The following PIK3CA variants were observed in gnomAD, a reference collection of about 807,000 sequenced individuals.
PIK3CA encodes the protein phosphatidylinositol 4,5-bisphosphate 3-kinase catalytic subunit alpha isoform.
Under a neutral mutation model 138.2 loss-of-function variants are expected in PIK3CA, and 27 were observed. The observed-to-expected ratio is 0.20, with a 90% CI of 0.14 to 0.27. The LOEUF is 0.27. Among genes scored for constraint, PIK3CA ranks in the 10% least tolerant of loss-of-function variants. PIK3CA has a pLI of 1.00. For synonymous variants in PIK3CA, 358 were observed against 413.2 expected (o/e 0.87, Z 1.62); for missense variants, 544 against 1,277.4 (o/e 0.43, Z 8.75).
intron 2 of PIK3CA, 119 bp downstream of exon 2, chr3:179,199,296 A>G (rs986073915): frequency 5.0e-5 from 30 of 598,986 alleles, no homozygotes; most frequent in Admixed American, 7.4e-5. Flanking sequence ...TTCTAAATAA[A>G]AATCATAAAT....
intron 1 of PIK3CA, among the ~76,000 whole-genome samples, chr3:179,192,946 T>C (rs961166603): frequency 1.3e-5 from 2 of 152,224 alleles, no homozygotes; most frequent in African/African-American, 4.8e-5. Context: ...GTGTTCAAAA[T>C]AGTGAATTGC....
chr3:179,162,328 C>T (rs928738302), intron 1 of PIK3CA, among the ~76,000 whole-genome samples: 5 of 151,952 alleles, frequency 3.3e-5, no homozygotes, highest in African/African-American at 1.2e-4. Flanking sequence ...TAGATAAACA[C>T]ATTATCTAAA....
chr3:179,232,588 TC>T (rs1487975374), intron 20 of PIK3CA, among the ~76,000 whole-genome samples: 2 of 152,166 alleles, frequency 1.3e-5, no homozygotes, highest in Non-Finnish European at 2.9e-5. Context: ...CTATTCAGAC[TC>T]TTTTTGGTCG....
At chr3:179,159,639 A>G (rs1013801715) in intron 1 of PIK3CA, among the ~76,000 whole-genome samples, 10 of 152,216 alleles carry the variant, frequency 6.6e-5, no homozygotes, top group African/African-American at 2.4e-4. Flanking sequence ...CATGAAATCA[A>G]CTGTACCTAC....
At chr3:179,223,960 C>G (rs1162408329) in intron 14 of PIK3CA, 121 bp from the exon 15 acceptor site, 5 of 507,690 alleles carry the variant, frequency 9.8e-6, no homozygotes, top group Non-Finnish European at 1.4e-5. Flanking sequence ...AAGCAGCAGT[C>G]TAGGATGTAG....
At chr3:179,153,016 CAAAATT>C (rs1723050703) in intron 1 of PIK3CA, among the ~76,000 whole-genome samples, 1 of 151,942 alleles carries the variant, frequency 6.6e-6, no homozygotes, top group Non-Finnish European at 1.5e-5. Flanking sequence ...AAAAAGGAAA[CAAAATT>C]AAGGATGATT....
intron 1 of PIK3CA, among the ~76,000 whole-genome samples, chr3:179,172,202 A>C (rs1257471218): frequency 6.6e-6 from 1 of 152,124 alleles, no homozygotes; most frequent in Non-Finnish European, 1.5e-5. Flanking sequence ...AATTATAATA[A>C]AAACTCTTAG....
chr3:179,172,557 A>G (rs1347018328), intron 1 of PIK3CA, among the ~76,000 whole-genome samples: 6 of 152,310 alleles, frequency 3.9e-5, no homozygotes, highest in Middle Eastern at 3.4e-3. Flanking sequence ...GATAACAAAC[A>G]GGAATTAATT....
chr3:179,201,625 T>TTTTTTTTTG (rs1724412572), intron 4 of PIK3CA, 85 bp downstream of exon 4: 1 of 886,726 alleles, frequency 1.1e-6, no homozygotes, highest in African/African-American at 1.7e-5. Context: ...TTTTTTTTTT[T>TTTTTTTTTG]GAGACGGAAT....
At chr3:179,209,153 T>A (rs1254282932) in intron 6 of PIK3CA, among the ~76,000 whole-genome samples, 1 of 151,772 alleles carries the variant, frequency 6.6e-6, no homozygotes, top group Non-Finnish European at 1.5e-5. Context: ...TGTCTTCTGC[T>A]TTTAACAAAT....
intron 2 of PIK3CA, 149 bp downstream of exon 2, chr3:179,199,326 C>T (rs1724349264): frequency 1.8e-5 from 10 of 547,016 alleles, no homozygotes; most frequent in Non-Finnish European, 2.5e-5. Context: ...GTTTTACTAT[C>T]GAACTATGGA....
In PIK3CA at chr3:179,224,192, T is replaced by C. The variant is rs1265140191; in HGVS notation, c.2294+5T>C. 3 of 1,417,804 alleles carry C rather than the reference T, an allele frequency of 2.1e-6. No individual in the cohort carries two copies. The highest frequency in any genetic ancestry group is 3.0e-6 in the Non-Finnish European group (3 of 1,016,356). 87.8% of individuals were successfully genotyped at this position (1,417,804 alleles called of 1,614,324 possible). A position where few individuals can be genotyped will look rare whatever the true frequency, so the allele number is the denominator to read the frequency against. On this transcript the variant is annotated splice_donor_5th_base_variant and intron_variant, in intron 15 of 20. Coordinates refer to ENST00000263967, the MANE Select transcript of PIK3CA (RefSeq NM_006218.4). ...TCATCAACTAGGAAACCTCAGGTAC[T>C]TTCTTGGGGGTTTCATTGATATATT...
rs374046536 is a variant in PIK3CA at position 179,187,187 on chromosome 3, G to GT, written c.-76-11562dup. Among the ~76,000 whole-genome samples, 552 of 152,182 alleles carry GT rather than the reference G, an allele frequency of 3.6e-3. 3 individuals carry two copies. Among genetic ancestry groups the GT allele is most frequent in the Non-Finnish European group, 6.1e-3 (414 of 67,998 alleles). ...ATCTCTTTACAACAAGCCTGAAACAGTAAGTTCTGTTTCCCTTTCTGGACA... is the reference window on the plus strand; with the variant it reads ...ATCTCTTTACAACAAGCCTGAAACAGTTAAGTTCTGTTTCCCTTTCTGGACA... On this transcript the variant is annotated intron_variant, in intron 1 of 20. Transcript: ENST00000263967.
intron 1 of PIK3CA, among the ~76,000 whole-genome samples, chr3:179,161,001 G>A (rs549094505): frequency 1.1e-4 from 16 of 152,144 alleles, no homozygotes; most frequent in Non-Finnish European, 1.6e-4. Context: ...ATAAGCAAAC[G>A]TGCTGTTTCA....
intron 9 of PIK3CA, among the ~76,000 whole-genome samples, chr3:179,213,267 T>C (rs561291524): frequency 3.9e-5 from 6 of 152,324 alleles, no homozygotes; most frequent in African/African-American, 1.4e-4. Context: ...GAGTCACAAA[T>C]GTTTTGGTTT....
At chr3:179,155,664 C>T (rs893078659) in intron 1 of PIK3CA, among the ~76,000 whole-genome samples, 1 of 151,882 alleles carries the variant, frequency 6.6e-6, no homozygotes, top group Non-Finnish European at 1.5e-5. Flanking sequence ...CATCTGCTAC[C>T]CCATTTTATA....
rs2108393401 is a variant in PIK3CA, at chr3:179,203,795, G to A, written c.1059+6G>A. 6.3e-7 allele frequency: 1 copy of A among 1,587,208 alleles called. No individual in the cohort carries two copies. The highest frequency in any genetic ancestry group is 1.1e-5 in the South Asian group (1 of 88,434). On this transcript the variant is annotated splice_donor_region_variant and intron_variant, in intron 5 of 20. Transcript: ENST00000263967. ...ATATTCGAGACATTGATAAGGTAAA[G>A]TCAAATGCTGATGCTTATTATTTTA...
chr3:179,160,745 AGT>A (rs1190977605), intron 1 of PIK3CA, among the ~76,000 whole-genome samples: 2 of 152,236 alleles, frequency 1.3e-5, no homozygotes, highest in African/African-American at 4.8e-5. Flanking sequence ...AATTTTGTAC[AGT>A]GTGGTATACA....
Position 179,210,211 on chromosome 3 carries a change from A to G in PIK3CA, c.1277A>G (p.Asn426Ser), listed in dbSNP as rs2108400217. 1 of 1,590,614 alleles carries G rather than the reference A, an allele frequency of 6.3e-7. No individual in the cohort carries two copies. The highest frequency in any genetic ancestry group is 8.5e-7 in the Non-Finnish European group (1 of 1,174,060). ...KEEHCPLAWG[N>S]INLFDYTDTL... ...GAACACTGTCCATTGGCATGGGGAAATATAAACTTGTTTGATTACACAGAC... is the reference window on the plus strand; with the variant it reads ...GAACACTGTCCATTGGCATGGGGAAGTATAAACTTGTTTGATTACACAGAC... The change falls in exon 8 of 21, where the codon AAT (asparagine) becomes AGT (serine). Residue 426 changes from asparagine to serine, a missense_variant. By Grantham distance (46) the Asn-to-Ser change is conservative (BLOSUM62 1). Coordinates refer to ENST00000263967, the MANE Select transcript of PIK3CA (RefSeq NM_006218.4).
Sources: gnomAD v4.1 joint callset for allele counts (sites outside exome capture counted in the v4.1 genomes callset) on GRCh38, gnomAD v4.1.1 for gene constraint, MANE v1.5 for transcripts, NCBI Gene and HGNC (gene_info 2026-07-23, HGNC 2026-07-21) for gene names.